BCR: variants seen among roughly 807,000 people sequenced by gnomAD.
BCR encodes the protein breakpoint cluster region protein.
Under a neutral mutation model 138.6 loss-of-function variants are expected in BCR, and 58 were observed. The ratio of observed to expected loss-of-function variants is 0.42; its 90% CI spans 0.34 to 0.52. The LOEUF (loss-of-function observed/expected upper bound fraction) is 0.52, where lower values mean the gene tolerates loss of function less well. BCR is among the 20% of genes least tolerant of loss of function. The pLI is 0.06. For missense variants in BCR, 1,599 were observed against 1,727.2 expected (o/e 0.93, Z 1.32); for synonymous variants, 786 against 730.1 (o/e 1.08, Z -1.23).
At chr22:23,299,145 C>T (rs1004651608) in intron 16 of BCR, among the ~76,000 whole-genome samples, 3 of 151,454 alleles carry the variant, frequency 2.0e-5, no homozygotes, top group Middle Eastern at 3.2e-3. Flanking sequence ...TACAGGCGCC[C>T]GCCACCACAC....
At chr22:23,292,046 C>T (rs925420772) in intron 14 of BCR, among the ~76,000 whole-genome samples, 6 of 152,242 alleles carry the variant, frequency 3.9e-5, no homozygotes, top group Non-Finnish European at 7.3e-5. Flanking sequence ...CACCCCACGA[C>T]TTCTCCAGCA....
At chr22:23,188,952 C>T (rs998855025) in intron 1 of BCR, among the ~76,000 whole-genome samples, 7 of 151,950 alleles carry the variant, frequency 4.6e-5, no homozygotes, top group Middle Eastern at 3.4e-3. Context: ...CTACAACCCC[C>T]GCCACCCAGG....
At chr22:23,248,168 A>AC (rs1449704817) in intron 1 of BCR, among the ~76,000 whole-genome samples, 1 of 152,048 alleles carries the variant, frequency 6.6e-6, no homozygotes, top group Non-Finnish European at 1.5e-5. Flanking sequence ...ACATGGTGAA[A>AC]CCCCATCTAT....
At chr22:23,238,240 CAG>C (rs1235479290) in intron 1 of BCR, among the ~76,000 whole-genome samples, 1 of 152,044 alleles carries the variant, frequency 6.6e-6, no homozygotes, top group Admixed American at 6.6e-5. Context: ...AAGCTGGGAA[CAG>C]AGGGAATTAT....
chr22:23,250,963 A>G (rs1411435394), intron 1 of BCR: 2 of 152,172 alleles, frequency 1.3e-5, no homozygotes, highest in African/African-American at 4.8e-5. Context: ...TCCCCCACCC[A>G]AAGGCCAAAG....
intron 1 of BCR, among the ~76,000 whole-genome samples, chr22:23,187,037 A>G (rs952198630): frequency 7.2e-5 from 11 of 152,198 alleles, no homozygotes; most frequent in African/African-American, 1.9e-4. Context: ...CTCTGGGCCA[A>G]CTGTGCTTTT....
intron 16 of BCR, chr22:23,306,175 A>G (rs1319273549): frequency 2.0e-5 from 3 of 152,230 alleles, no homozygotes; most frequent in Non-Finnish European, 4.4e-5. Context: ...CTGGAGGCCA[A>G]CACCCTGGTC....
At chr22:23,245,487 A>G (rs1243156862) in intron 1 of BCR, among the ~76,000 whole-genome samples, 1 of 152,096 alleles carries the variant, frequency 6.6e-6, no homozygotes, top group African/African-American at 2.4e-5. Flanking sequence ...CCCTTCCACC[A>G]CAGAACCAAG....
chr22:23,197,776 T>C (rs1230406376), intron 1 of BCR, among the ~76,000 whole-genome samples: 2 of 151,794 alleles, frequency 1.3e-5, no homozygotes, highest in Non-Finnish European at 2.9e-5. Context: ...TGTGTGATGG[T>C]CCAGTGGGAG....
In BCR at chr22:23,259,024, C is replaced by T. The variant is rs147323865; in HGVS notation, c.1462-1926C>T. ...GAACAAAGGGAGCACGGCCTCAGCC[C>T]GGTGGAGCACTGAGGTGCTGCCATG... On this transcript the variant is annotated intron_variant, in intron 2 of 22. Transcript: ENST00000305877. Among the ~76,000 whole-genome samples, 138 of 152,370 alleles carry T rather than the reference C, an allele frequency of 9.1e-4. 1 individual carries two copies. The highest frequency in any genetic ancestry group is 4.1e-3 in the South Asian group (20 of 4,828).
In BCR at chr22:23,314,021, C is replaced by G; in HGVS notation, c.3511C>G (p.Leu1171Val). ...ESCMLNLLLS[L>V]PEANLLTFLF... The stretch of plus-strand genomic sequence containing the variant: ...CTGCATGCTCAACCTGCTGCTGTCC[C>G]TGCCGGAGGCCAACCTGCTCACCTT... Residue 1171 changes from leucine to valine, a missense_variant, in exon 21 of 23, where the codon CTG becomes GTG. Around this residue, in one of 4 missense-constraint regions of BCR, gnomAD observed 177 missense variants for 226.4 expected, o/e 0.78. Coordinates refer to ENST00000305877, the MANE Select transcript of BCR (RefSeq NM_004327.4). The G allele has an allele frequency of 6.2e-7, 1 of 1,614,006 alleles. No individual in the cohort carries two copies. Among genetic ancestry groups the G allele is most frequent in the Non-Finnish European group, 8.5e-7 (1 of 1,180,018 alleles).
chr22:23,287,025 G>T, intron 10 of BCR, 134 bp from the exon 11 acceptor site: 1 of 1,467,926 alleles, frequency 6.8e-7, no homozygotes, highest in Non-Finnish European at 9.2e-7. Flanking sequence ...TGGGGCCCTG[G>T]TCTGTGCTGA....
chr22:23,186,630 C>G (rs1207168465), intron 1 of BCR, among the ~76,000 whole-genome samples: 1 of 152,178 alleles, frequency 6.6e-6, no homozygotes, highest in African/African-American at 2.4e-5. Context: ...TCATGTAAGT[C>G]CAGTCCTGTG....
At chr22:23,302,991 G>A (rs1245653903) in intron 16 of BCR, 2 of 149,952 alleles carry the variant, frequency 1.3e-5, no homozygotes, top group East Asian at 3.9e-4. Flanking sequence ...CCCCACCCGT[G>A]AGAGCATAAG....
chr22:23,269,913 C>T (rs576950159), intron 5 of BCR, among the ~76,000 whole-genome samples: 2 of 152,264 alleles, frequency 1.3e-5, no homozygotes, highest in African/African-American at 2.4e-5. Flanking sequence ...CTGGGGATCA[C>T]GTGGTGCCAC....
chr22:23,198,877 TG>T (rs2072513397), intron 1 of BCR, among the ~76,000 whole-genome samples: 1 of 152,028 alleles, frequency 6.6e-6, no homozygotes, highest in Non-Finnish European at 1.5e-5. Flanking sequence ...CCCAGCACTT[TG>T]GGAGGCCGAG....
At chr22:23,196,696 G>A (rs1349983367) in intron 1 of BCR, among the ~76,000 whole-genome samples, 3 of 152,106 alleles carry the variant, frequency 2.0e-5, no homozygotes, top group Non-Finnish European at 4.4e-5. Context: ...TTCTCATGAG[G>A]AGCCTGCACA....
At position 23,287,212 on chromosome 22, in the gene BCR, G is replaced by A; in HGVS notation, c.2460G>A (p.Glu820=). ...ATERLKKKLS[E]QESLLLLMSP... ...AGAGGCTGAAGAAGAAGCTGTCGGA[G>A]CAGGAGTCACTGCTGCTGCTTATGT... Residue 820 remains glutamate (E), a synonymous_variant, in exon 11 of 23, where the codon GAG becomes GAA. Coordinates refer to ENST00000305877, the MANE Select transcript of BCR (RefSeq NM_004327.4). 3 of 1,567,042 alleles carry A rather than the reference G, an allele frequency of 1.9e-6. No individual in the cohort carries two copies. Among genetic ancestry groups the A allele is most frequent in the African/African-American group, 1.4e-5 (1 of 74,014 alleles).
intron 4 of BCR, among the ~76,000 whole-genome samples, chr22:23,265,838 A>G (rs918484641): frequency 2.0e-4 from 31 of 152,330 alleles, no homozygotes; most frequent in Middle Eastern, 3.4e-3. Flanking sequence ...GAACAAGGAC[A>G]TTCCTATAAC....
Sources: allele counts gnomAD v4.1 joint callset (sites outside exome capture counted in the v4.1 genomes callset), GRCh38; gene constraint gnomAD v4.1.1; regional missense constraint gnomAD v4.1.1; transcripts MANE v1.5; gene names NCBI Gene and HGNC (gene_info 2026-07-23, HGNC 2026-07-21).